Variants in GALNT10 observed in about 807,000 individuals in gnomAD.
GALNT10 encodes GalNAc transferase 10.
Under a neutral mutation model 75.0 loss-of-function variants are expected in GALNT10, and 41 were observed. That is an observed-to-expected ratio of 0.55 (90% CI 0.43 to 0.71). The LOEUF is 0.71. Among genes scored for constraint, GALNT10 ranks in the 30% least tolerant of loss-of-function variants. GALNT10 has a pLI of 0.00. For synonymous variants in GALNT10, 302 were observed against 313.0 expected (o/e 0.96, Z 0.37); for missense variants, 727 against 818.5 (o/e 0.89, Z 1.36).
intron 1 of GALNT10, among the ~76,000 whole-genome samples, chr5:154,247,692 T>C (rs1362879330): frequency 6.6e-6 from 1 of 152,242 alleles, no homozygotes; most frequent in Non-Finnish European, 1.5e-5. Context: ...AAGTTGCTTA[T>C]CAGCTTAAGG....
At chr5:154,296,172 T>C (rs534724945) in intron 2 of GALNT10, among the ~76,000 whole-genome samples, 1 of 152,298 alleles carries the variant, frequency 6.6e-6, no homozygotes, top group Admixed American at 6.5e-5. Flanking sequence ...ATGCAACCTC[T>C]ACCTCCCAGG....
chr5:154,200,890 T>G (rs1775018865), intron 1 of GALNT10, among the ~76,000 whole-genome samples: 1 of 152,256 alleles, frequency 6.6e-6, no homozygotes, highest in African/African-American at 2.4e-5. Context: ...GTTGGGTTTT[T>G]TAATTTTTAA....
chr5:154,358,289 T>C (rs1755327714), intron 4 of GALNT10, among the ~76,000 whole-genome samples: 1 of 151,966 alleles, frequency 6.6e-6, no homozygotes, highest in African/African-American at 2.4e-5. Flanking sequence ...TGGGGTCTCC[T>C]TGGGGGCTCC....
At chr5:154,319,078 T>C (rs1410228243) in intron 3 of GALNT10, among the ~76,000 whole-genome samples, 1 of 152,194 alleles carries the variant, frequency 6.6e-6, no homozygotes, top group African/African-American at 2.4e-5. Flanking sequence ...CAGACTACCA[T>C]TGCTTTGACC....
intron 4 of GALNT10, among the ~76,000 whole-genome samples, chr5:154,333,197 G>C (rs1165968266): frequency 6.6e-6 from 1 of 152,146 alleles, no homozygotes; most frequent in Non-Finnish European, 1.5e-5. Context: ...GAAAACCACT[G>C]TGTAACTCAA....
intron 1 of GALNT10, among the ~76,000 whole-genome samples, chr5:154,215,710 A>G (rs1474528741): frequency 6.6e-6 from 1 of 152,216 alleles, no homozygotes; most frequent in Non-Finnish European, 1.5e-5. Flanking sequence ...CACAGCATGC[A>G]TTGTGAAGAT....
intron 1 of GALNT10, among the ~76,000 whole-genome samples, chr5:154,294,286 G>C (rs541338408): frequency 6.6e-6 from 1 of 152,124 alleles, no homozygotes; most frequent in Non-Finnish European, 1.5e-5. Context: ...GTGAGCCATC[G>C]TAGTGCCACT....
At chr5:154,337,228 T>C (rs1754958033) in intron 4 of GALNT10, among the ~76,000 whole-genome samples, 1 of 152,224 alleles carries the variant, frequency 6.6e-6, no homozygotes, top group African/African-American at 2.4e-5. Context: ...TTTGTTCGAA[T>C]GCTTTACACT....
chr5:154,368,912 G>T (rs1755519935), intron 4 of GALNT10, among the ~76,000 whole-genome samples: 1 of 152,232 alleles, frequency 6.6e-6, no homozygotes, highest in African/African-American at 2.4e-5. Context: ...TGAGGGCATT[G>T]AGAGGTGGTG....
intron 4 of GALNT10, among the ~76,000 whole-genome samples, chr5:154,358,978 CTG>C (rs1755341164): frequency 6.6e-6 from 1 of 152,150 alleles, no homozygotes; most frequent in East Asian, 1.9e-4. Context: ...TGTTTTCTGC[CTG>C]TGTGTGTATG....
chr5:154,368,129 G>A (rs138734962), intron 4 of GALNT10, among the ~76,000 whole-genome samples: 1 of 152,176 alleles, frequency 6.6e-6, no homozygotes, highest in South Asian at 2.1e-4. Context: ...GCTTCAGTAG[G>A]TTTAAGGTGA....
intron 1 of GALNT10, among the ~76,000 whole-genome samples, chr5:154,224,783 T>G (rs1228251414): frequency 2.0e-5 from 3 of 148,242 alleles, no homozygotes; most frequent in African/African-American, 7.4e-5. Flanking sequence ...CACTTCTTTT[T>G]TTTTTTTTTT....
intron 1 of GALNT10, among the ~76,000 whole-genome samples, chr5:154,212,257 T>C (rs1752768680): frequency 6.6e-6 from 1 of 152,210 alleles, no homozygotes; most frequent in Admixed American, 6.5e-5. Flanking sequence ...TGACACTGCC[T>C]TCATGGATGA....
chr5:154,214,416 A>G (rs1196856790), intron 1 of GALNT10, among the ~76,000 whole-genome samples: 1 of 152,148 alleles, frequency 6.6e-6, no homozygotes. Flanking sequence ...TTGTGATCTC[A>G]GAAGCAGCGA....
intron 7 of GALNT10, chr5:154,392,910 AC>A (rs758986573): frequency 2.6e-5 from 4 of 152,040 alleles, no homozygotes; most frequent in Non-Finnish European, 4.4e-5. Flanking sequence ...TATAAGAGAG[AC>A]AGTGATGAGC....
chr5:154,306,751 CTT>C (rs1192350654), intron 3 of GALNT10, among the ~76,000 whole-genome samples: 1 of 151,670 alleles, frequency 6.6e-6, no homozygotes, highest in Non-Finnish European at 1.5e-5. Context: ...ACAAAAAAAA[CTT>C]AGGAGAAATT....
At chr5:154,365,394 T>G (rs1755460042) in intron 4 of GALNT10, among the ~76,000 whole-genome samples, 1 of 152,134 alleles carries the variant, frequency 6.6e-6, no homozygotes, top group Non-Finnish European at 1.5e-5. Context: ...CCACTCATTT[T>G]CAGAAAAAAG....
intron 4 of GALNT10, among the ~76,000 whole-genome samples, chr5:154,342,153 G>A (rs972692174): frequency 6.6e-6 from 1 of 152,056 alleles, no homozygotes; most frequent in South Asian, 2.1e-4. Context: ...GAAATGCTGC[G>A]CTACCCTGTC....
At chr5:154,337,874 CT>C (rs1370868933) in intron 4 of GALNT10, 1 of 1,159,882 alleles carries the variant, frequency 8.6e-7, no homozygotes, top group African/African-American at 1.5e-5. Flanking sequence ...CACTAGGTAT[CT>C]CTTGCTTTGA....
Sources: allele counts gnomAD v4.1 joint callset (sites outside exome capture counted in the v4.1 genomes callset), GRCh38; gene constraint gnomAD v4.1.1; transcripts MANE v1.5; gene names NCBI Gene and HGNC (gene_info 2026-07-23, HGNC 2026-07-21).